CSGALNACT1: variants seen among roughly 807,000 people sequenced by gnomAD.
CSGALNACT1 encodes the protein chondroitin sulfate N-acetylgalactosaminyltransferase 1, also known as beta4GalNAcT-1.
Under a neutral mutation model 51.0 loss-of-function variants are expected in CSGALNACT1, and 52 were observed. The observed-to-expected ratio is 1.02, with a 90% CI of 0.82 to 1.29. CSGALNACT1 has a LOEUF of 1.29. Among genes scored for constraint, CSGALNACT1 ranks in the 50% most tolerant of loss-of-function variants. The pLI is 0.00. For missense variants in CSGALNACT1, 935 were observed against 679.2 expected (o/e 1.38, Z -4.19); for synonymous variants, 341 against 254.4 (o/e 1.34, Z -3.24).
chr8:19,417,307 C>T (rs915634153), intron 8 of CSGALNACT1, among the ~76,000 whole-genome samples: 1 of 152,116 alleles, frequency 6.6e-6, no homozygotes, highest in Non-Finnish European at 1.5e-5. Context: ...ACCTGGTGCA[C>T]CCCAAAATGA....
At chr8:19,509,915 G>C (rs1272052853) in intron 3 of CSGALNACT1, among the ~76,000 whole-genome samples, 1 of 152,138 alleles carries the variant, frequency 6.6e-6, no homozygotes, top group Non-Finnish European at 1.5e-5. Context: ...TAAGAACTTA[G>C]AAAGGCACCC....
At chr8:19,573,217 C>G (rs943308687) in intron 3 of CSGALNACT1, among the ~76,000 whole-genome samples, 1 of 152,138 alleles carries the variant, frequency 6.6e-6, no homozygotes, top group Non-Finnish European at 1.5e-5. Flanking sequence ...TAGCCCTTAC[C>G]CACTTCTTCA....
upstream of CSGALNACT1, among the ~76,000 whole-genome samples, chr8:19,604,971 G>T (rs976332881): frequency 8.0e-5 from 12 of 150,402 alleles, no homozygotes; most frequent in Non-Finnish European, 1.5e-5. Flanking sequence ...CTGCATGGAA[G>T]TGGTAGCTAG....
In CSGALNACT1 at chr8:19,486,056, G is replaced by A. The variant is rs149283308; in HGVS notation, c.634+19145C>T. ...GCTGGGATTACAGGCGTGAGCCACC[G>A]TACTCAGCTGCCACTTAAGGGTTTT... On this transcript the variant is annotated intron_variant, in intron 4 of 9. Coordinates refer to ENST00000454498, the Ensembl canonical transcript of CSGALNACT1. 3.8e-4 allele frequency among the ~76,000 whole-genome samples: 58 copies of A among 151,158 alleles called. 1 individual carries two copies. The highest frequency in any genetic ancestry group is 1.2e-3 in the African/African-American group (49 of 41,174).
intron 6 of CSGALNACT1, among the ~76,000 whole-genome samples, chr8:19,431,552 T>C (rs1211865035): frequency 1.3e-5 from 2 of 152,070 alleles, no homozygotes; most frequent in Non-Finnish European, 2.9e-5. Flanking sequence ...TTTTATGTTG[T>C]TGGATTCAGT....
intron 3 of CSGALNACT1, among the ~76,000 whole-genome samples, chr8:19,570,850 G>C (rs2042876050): frequency 6.6e-6 from 1 of 152,160 alleles, no homozygotes; most frequent in Non-Finnish European, 1.5e-5. Flanking sequence ...ACAGGTTGCA[G>C]TGAGCCGAGA....
chr8:19,545,209 C>T (rs994098567), intron 3 of CSGALNACT1, among the ~76,000 whole-genome samples: 7 of 152,162 alleles, frequency 4.6e-5, no homozygotes, highest in Non-Finnish European at 1.0e-4. Flanking sequence ...CTGTTCATAG[C>T]AGTTAGGTGG....
At chr8:19,742,919 T>C (rs2064403603) in intron 1 of CSGALNACT1, among the ~76,000 whole-genome samples, 1 of 152,212 alleles carries the variant, frequency 6.6e-6, no homozygotes, top group African/African-American at 2.4e-5. Flanking sequence ...GAAGCCTCTT[T>C]GCCTCTCTGA....
intron 2 of CSGALNACT1, among the ~76,000 whole-genome samples, chr8:19,592,471 G>A (rs2048030236): frequency 6.6e-6 from 1 of 152,230 alleles, no homozygotes; most frequent in Non-Finnish European, 1.5e-5. Flanking sequence ...AAGCAAATGA[G>A]CAGGGTATAG....
exon 4 of CSGALNACT1, chr8:19,506,097 C>A (rs755172387): frequency 1.5e-6 from 1 of 646,900 alleles, no homozygotes; most frequent in South Asian, 1.5e-5. Context: ...CCCATCACAG[C>A]CTTCCTGATG....
chr8:19,599,528 A>AAAG (rs1564211925), intron 2 of CSGALNACT1, among the ~76,000 whole-genome samples: 5 of 148,066 alleles, frequency 3.4e-5, no homozygotes, highest in South Asian at 2.2e-4. Flanking sequence ...AAGAAAGAAA[A>AAAG]GAAAGAAAAA....
intron 1 of CSGALNACT1, among the ~76,000 whole-genome samples, chr8:19,705,955 A>G (rs2062137904): frequency 6.6e-6 from 1 of 152,312 alleles, no homozygotes; most frequent in South Asian, 2.1e-4. Context: ...ACCTTGTATT[A>G]CTTGATTATC....
intron 1 of CSGALNACT1, among the ~76,000 whole-genome samples, chr8:19,670,744 T>C (rs138035809): frequency 1.3e-3 from 192 of 150,730 alleles, no homozygotes; most frequent in African/African-American, 4.4e-3. Flanking sequence ...ATGAGACAAG[T>C]ACAGCATATG....
chr8:19,424,265 T>C (rs1248487429), intron 6 of CSGALNACT1, among the ~76,000 whole-genome samples: 1 of 152,178 alleles, frequency 6.6e-6, no homozygotes, highest in Non-Finnish European at 1.5e-5. Flanking sequence ...GAGTGCTAAC[T>C]CTGTCATCCA....
At chr8:19,658,215 A>T (rs1411527324) in intron 1 of CSGALNACT1, among the ~76,000 whole-genome samples, 1 of 152,072 alleles carries the variant, frequency 6.6e-6, no homozygotes, top group Non-Finnish European at 1.5e-5. Context: ...AGCAAAGGCC[A>T]TGTGCACACA....
chr8:19,504,039 T>C (rs904339050), intron 4 of CSGALNACT1, among the ~76,000 whole-genome samples: 5 of 152,046 alleles, frequency 3.3e-5, no homozygotes, highest in Non-Finnish European at 7.4e-5. Flanking sequence ...AAGCAGTGAG[T>C]GGTGTTAGGT....
intron 1 of CSGALNACT1, among the ~76,000 whole-genome samples, chr8:19,631,626 T>C (rs539312592): frequency 6.6e-6 from 1 of 152,322 alleles, no homozygotes; most frequent in East Asian, 1.9e-4. Context: ...CAAAATACTT[T>C]GCAATTGAAA....
At chr8:19,714,284 T>G (rs564849103) in intron 1 of CSGALNACT1, among the ~76,000 whole-genome samples, 2 of 152,254 alleles carry the variant, frequency 1.3e-5, no homozygotes, top group South Asian at 4.1e-4. Context: ...GAATTATAAT[T>G]TTGTCTTTCT....
chr8:19,652,072 C>G (rs147757087), intron 1 of CSGALNACT1, among the ~76,000 whole-genome samples: 2 of 151,850 alleles, frequency 1.3e-5, no homozygotes, highest in East Asian at 1.9e-4. Flanking sequence ...TGGAACTACA[C>G]GTGTACACCA....
Sources: gnomAD v4.1 joint callset for allele counts (sites outside exome capture counted in the v4.1 genomes callset) on GRCh38, gnomAD v4.1.1 for gene constraint, MANE v1.5 for transcripts, NCBI Gene and HGNC (gene_info 2026-07-23, HGNC 2026-07-21) for gene names.